DTWD1: variants seen among roughly 807,000 people sequenced by gnomAD.
The protein encoded by DTWD1 is DTW motif tRNA-uridine aminocarboxypropyltransferase 1.
In DTWD1, 27 loss-of-function variants were observed where a neutral mutation model predicts 30.2. That is an observed-to-expected ratio of 0.90 (90% CI 0.66 to 1.23). DTWD1 has a LOEUF of 1.23. Among genes scored for constraint, DTWD1 ranks in the 50% most tolerant of loss-of-function variants. DTWD1 has a pLI of 0.00. For missense variants in DTWD1, 342 were observed against 348.8 expected, an observed-to-expected ratio of 0.98 and a Z score of 0.15; for synonymous variants, 99 against 113.1, an observed-to-expected ratio of 0.88 and a Z score of 0.79.
intron 1 of DTWD1, 22 bp from the exon 2 acceptor site, chr15:49,625,086 CCTTCT>C (rs1214725656): frequency 9.7e-6 from 13 of 1,337,996 alleles, no homozygotes; most frequent in Non-Finnish European, 1.3e-5. Context: ...TTTTATTTTT[CCTTCT>C]CTTGATACTT....
intron 1 of DTWD1, among the ~76,000 whole-genome samples, chr15:49,624,694 G>T (rs2078816330): frequency 6.6e-6 from 1 of 152,076 alleles, no homozygotes; most frequent in African/African-American, 2.4e-5. Flanking sequence ...TGTTTAAGTT[G>T]GAGAGGGTTA....
At position 49,632,303 on chromosome 15, in the gene DTWD1, G is replaced by C. The variant is rs2078932909; in HGVS notation, c.408+1G>C. On this transcript the variant is annotated splice_donor_variant, in intron 3 of 4. Transcript: ENST00000403028. LOFTEE classifies it high-confidence loss of function. ...AGAATATGAAGAAAAGGACCATGAAGTAGGCAACTTAGTTTTTATAACTCT... is the reference window on the plus strand; with the variant it reads ...AGAATATGAAGAAAAGGACCATGAACTAGGCAACTTAGTTTTTATAACTCT... 1 of 1,575,372 alleles carries C rather than the reference G, an allele frequency of 6.3e-7. No homozygotes were observed. The highest frequency in any genetic ancestry group is 8.5e-7 in the Non-Finnish European group (1 of 1,170,600).
At chr15:49,634,501 G>A (rs370174700) in intron 3 of DTWD1, 35 bp from the exon 4 acceptor site, 27 of 1,562,564 alleles carry the variant, frequency 1.7e-5, no homozygotes, top group Non-Finnish European at 2.1e-5. Context: ...GAAGATCATA[G>A]TAGCACACTG....
intron 3 of DTWD1, 144 bp from the exon 4 acceptor site, chr15:49,634,392 T>C: frequency 4.0e-6 from 3 of 740,758 alleles, no homozygotes; most frequent in Non-Finnish European, 5.7e-6. Context: ...ACCATACATA[T>C]TAAAGAACCA....
chr15:49,631,798 A>G (rs2153352372), intron 2 of DTWD1, among the ~76,000 whole-genome samples: 1 of 152,298 alleles, frequency 6.6e-6, no homozygotes, highest in African/African-American at 2.4e-5. Flanking sequence ...ATGGCATAAA[A>G]TAGGCAAACC....
chr15:49,630,302 C>T (rs1477926386), intron 2 of DTWD1, among the ~76,000 whole-genome samples: 1 of 152,156 alleles, frequency 6.6e-6, no homozygotes, highest in Non-Finnish European at 1.5e-5. Context: ...AGATTGTACA[C>T]TTTAAATATG....
At position 49,654,407 on chromosome 15, in the gene DTWD1, G is replaced by A. The variant is rs2079168461; in HGVS notation, c.*10829G>A. On this transcript the variant is annotated 3_prime_UTR_variant, in exon 5 of 5. Transcript: ENST00000403028. ...TTCCTTTTCCTTTTAATCTGGATTGGCCTTCTAACTCACTTTGACCAATAA... is the reference window on the plus strand; with the variant it reads ...TTCCTTTTCCTTTTAATCTGGATTGACCTTCTAACTCACTTTGACCAATAA... The A allele has an allele frequency of 6.6e-6, 1 of 151,904 alleles. No individual in the cohort carries two copies. The highest frequency in any genetic ancestry group is 6.6e-5 in the Admixed American group (1 of 15,224). The allele number at this position is 151,904 out of a possible 1,614,324, so 9.4% of individuals were successfully genotyped here.
intron 1 of DTWD1, among the ~76,000 whole-genome samples, chr15:49,622,098 A>C (rs986709732): frequency 2.0e-5 from 3 of 152,220 alleles, no homozygotes; most frequent in African/African-American, 7.2e-5. Flanking sequence ...CAGATACTTC[A>C]GTAGTGAGAT....
At chr15:49,640,250 T>C (rs2079050632) in intron 4 of DTWD1, among the ~76,000 whole-genome samples, 1 of 152,156 alleles carries the variant, frequency 6.6e-6, no homozygotes, top group Non-Finnish European at 1.5e-5. Context: ...TCACATTTTG[T>C]TTCTAGGGTT....
At chr15:49,637,468 A>T (rs2153353452) in intron 4 of DTWD1, among the ~76,000 whole-genome samples, 1 of 152,286 alleles carries the variant, frequency 6.6e-6, no homozygotes, top group East Asian at 1.9e-4. Context: ...AGATCTGGTA[A>T]ATTCATTACT....
At position 49,652,853 on chromosome 15, in the gene DTWD1, C is replaced by T. The variant is rs546133588; in HGVS notation, c.*9275C>T. ...AGTTGCAAGGAATGAGGTCAGCAGCCTCCAACTGTCAGCTCCTTCAGAGTC... is the reference window on the plus strand; with the variant it reads ...AGTTGCAAGGAATGAGGTCAGCAGCTTCCAACTGTCAGCTCCTTCAGAGTC... On this transcript the variant is annotated 3_prime_UTR_variant, in exon 5 of 5. Coordinates refer to ENST00000403028, the MANE Select transcript of DTWD1 (RefSeq NM_001144955.2). The T allele has an allele frequency of 1.4e-3, 218 of 152,262 alleles. No individual in the cohort carries two copies. Among genetic ancestry groups the T allele is most frequent in the African/African-American group, 5.2e-3 (215 of 41,558 alleles). The allele number at this position is 152,262 out of a possible 1,614,324, so 9.4% of individuals were successfully genotyped here.
rs565517974 is a variant in DTWD1, at chr15:49,650,378, A to G, written c.*6800A>G. ...AGAGAGTAAGAAATAAAATAGGAAG[A>G]TCAATTAGAATGCTATTTCAGTAGT... On this transcript the variant is annotated 3_prime_UTR_variant, in exon 5 of 5. Transcript: ENST00000403028. The G allele has an allele frequency of 9.2e-5, 14 of 152,254 alleles. No homozygotes were observed. The highest frequency in any genetic ancestry group is 2.9e-4 in the African/African-American group (12 of 41,560). The allele number at this position is 152,254 out of a possible 1,614,324, so 9.4% of individuals were successfully genotyped here.
chr15:49,633,245 A>G (rs2078955682), intron 3 of DTWD1, among the ~76,000 whole-genome samples: 1 of 151,986 alleles, frequency 6.6e-6, no homozygotes, highest in Non-Finnish European at 1.5e-5. Context: ...AAGAAAATTC[A>G]GAAGCCCTGG....
intron 1 of DTWD1, chr15:49,621,334 C>T (rs1020718072): frequency 6.6e-5 from 10 of 152,028 alleles, no homozygotes; most frequent in African/African-American, 2.2e-4. Flanking sequence ...AAAAAGGTTT[C>T]CAAATTTTTC....
chr15:49,623,254 A>G (rs118017200), intron 1 of DTWD1, among the ~76,000 whole-genome samples: 2,592 of 152,298 alleles, frequency 0.017, 35 homozygotes, highest in Middle Eastern at 0.037. Flanking sequence ...CATCATCTGA[A>G]TAACTCAGGA....
Position 49,649,118 on chromosome 15 carries a change from CTG to C in DTWD1, c.*5543_*5544del, listed in dbSNP as rs1404035813. The C allele has an allele frequency of 2.6e-5, 4 of 152,152 alleles. No individual in the cohort carries two copies. The highest frequency in any genetic ancestry group is 4.2e-4 in the South Asian group (2 of 4,810). The allele number at this position is 152,152 out of a possible 1,614,324, so 9.4% of individuals were successfully genotyped here. On this transcript the variant is annotated 3_prime_UTR_variant, in exon 5 of 5. Coordinates refer to ENST00000403028, the MANE Select transcript of DTWD1 (RefSeq NM_001144955.2). ...CTTATCATCAAGGAATTTCAGAACACTGTGGATAGAAAATACTAAAAGATTTC... is the reference window on the plus strand; with the variant it reads ...CTTATCATCAAGGAATTTCAGAACACTGGATAGAAAATACTAAAAGATTTC...
Position 49,650,839 on chromosome 15 carries a change from A to G in DTWD1, c.*7261A>G, listed in dbSNP as rs966476897. The G allele has an allele frequency of 2.0e-5, 3 of 152,168 alleles. No individual in the cohort carries two copies. The highest frequency in any genetic ancestry group is 4.8e-5 in the African/African-American group (2 of 41,434). The allele number at this position is 152,168 out of a possible 1,614,324, so 9.4% of individuals were successfully genotyped here. A position where few individuals can be genotyped will look rare whatever the true frequency, so the allele number is the denominator to read the frequency against. ...CTTCCCCTGAAAGGTGACACTTTCT[A>G]ATAAACATCTTACACCCCAAACTCC... On this transcript the variant is annotated 3_prime_UTR_variant, in exon 5 of 5. Transcript: ENST00000403028.
chr15:49,632,552 T>C, intron 3 of DTWD1, among the ~76,000 whole-genome samples: 1 of 152,234 alleles, frequency 6.6e-6, no homozygotes. Context: ...AGGTTTTTAC[T>C]CCTTGCCAAT....
chr15:49,637,353 G>A (rs1031205894), intron 4 of DTWD1, among the ~76,000 whole-genome samples: 3 of 152,066 alleles, frequency 2.0e-5, no homozygotes, highest in Non-Finnish European at 4.4e-5. Flanking sequence ...TCTTTTTGGT[G>A]CAACAGGCAA....
Sources: gnomAD v4.1 joint callset for allele counts (sites outside exome capture counted in the v4.1 genomes callset) on GRCh38, gnomAD v4.1.1 for gene constraint, MANE v1.5 for transcripts, NCBI Gene and HGNC (gene_info 2026-07-23, HGNC 2026-07-21) for gene names.